The following PSMD8 variants were observed in gnomAD, a reference collection of about 807,000 sequenced individuals.
PSMD8 encodes proteasome 26S subunit, non-ATPase 8.
PSMD8 carries 30 observed loss-of-function variants against 40.0 expected under a neutral mutation model. The observed-to-expected ratio is 0.75, with a 90% CI of 0.56 to 1.02. The LOEUF is 1.02. PSMD8 is among the 50% of genes least tolerant of loss of function. The pLI is 0.00. For missense variants in PSMD8, 461 were observed against 463.9 expected, an observed-to-expected ratio of 0.99 and a Z score of 0.06; for synonymous variants, 208 against 192.5, an observed-to-expected ratio of 1.08 and a Z score of -0.67.
rs1421396139 is a variant in PSMD8, at chr19:38,374,842, G to A, written c.241G>A (p.Ala81Thr). 5 of 1,579,072 alleles carry A rather than the reference G, an allele frequency of 3.2e-6. No homozygotes were observed. The highest frequency in any genetic ancestry group is 3.4e-6 in the Non-Finnish European group (4 of 1,170,450). The part of the protein sequence containing the change: ...GAAGFSSSGP[A>T]ATSGAVLQAA... The stretch of plus-strand genomic sequence containing the variant: ...GGCAGGCTTCTCGAGCTCCGGGCCC[G>A]CGGCAACCTCGGGCGCTGTTCTGCA... Residue 81 changes from alanine to threonine, a missense_variant, in exon 1 of 7, where the codon GCG becomes ACG. Transcript: ENST00000215071.
intron 6 of PSMD8, chr19:38,382,927 AAAAG>A (rs945144078): frequency 5.1e-5 from 14 of 275,364 alleles, no homozygotes; most frequent in African/African-American, 1.5e-4. Flanking sequence ...AAAAAAAAAA[AAAAG>A]AAGAAGGTGA....
intron 3 of PSMD8, among the ~76,000 whole-genome samples, chr19:38,378,657 G>GAA (rs201059049): frequency 2.2e-4 from 29 of 133,296 alleles, no homozygotes; most frequent in African/African-American, 7.2e-4. Flanking sequence ...TCTCGGAATT[G>GAA]AAAAAAAAAA....
intron 1 of PSMD8, among the ~76,000 whole-genome samples, chr19:38,375,947 G>A (rs887149592): frequency 1.3e-5 from 2 of 152,180 alleles, no homozygotes; most frequent in Non-Finnish European, 2.9e-5. Flanking sequence ...TCCCCAGTGG[G>A]GCTATTAATA....
intron 3 of PSMD8, among the ~76,000 whole-genome samples, chr19:38,377,970 T>G (rs753531361): frequency 6.6e-6 from 1 of 151,984 alleles, no homozygotes; most frequent in Non-Finnish European, 1.5e-5. Flanking sequence ...TAGCTAACAC[T>G]TTGTGTTTAT....
chr19:38,378,762 G>A (rs1039886096), intron 3 of PSMD8, among the ~76,000 whole-genome samples: 4 of 151,750 alleles, frequency 2.6e-5, no homozygotes, highest in African/African-American at 9.7e-5. Context: ...GACCAGCCTG[G>A]CCAGCATAGT....
At chr19:38,381,216 T>G in intron 5 of PSMD8, 1 of 486,798 alleles carries the variant, frequency 2.1e-6, no homozygotes, top group Non-Finnish European at 3.6e-6. Context: ...TGTTGACATG[T>G]GTGGCCACGT....
chr19:38,380,733 CAT>C (rs1970633795), intron 4 of PSMD8, among the ~76,000 whole-genome samples, 164 bp from the exon 5 acceptor site: 1 of 145,154 alleles, frequency 6.9e-6, no homozygotes, highest in Admixed American at 6.9e-5. Flanking sequence ...TGTGTGTGCG[CAT>C]AAACCAGCAA....
chr19:38,376,147 C>A lies in PSMD8; in HGVS notation c.361-13C>A. On this transcript the variant is annotated splice_polypyrimidine_tract_variant and intron_variant, in intron 1 of 6. Transcript: ENST00000215071. ...CCTTCTTTTCTTTCTTCCCTCCCTCCCCTCCCCATCAGCTAGTTCTTCTGG... is the reference window on the plus strand; with the variant it reads ...CCTTCTTTTCTTTCTTCCCTCCCTCACCTCCCCATCAGCTAGTTCTTCTGG... 1 of 1,591,200 alleles carries A rather than the reference C, an allele frequency of 6.3e-7. No individual in the cohort carries two copies.
In PSMD8 at chr19:38,374,958, C is replaced by T; in HGVS notation, c.357C>T (p.Leu119=). 6.4e-7 allele frequency: 1 copy of T among 1,559,750 alleles called. No individual in the cohort carries two copies. Reference sequence around the variant, plus strand: ...AGTGCGGGGAAGAGCTGGGTCGACTCAAGGTAAAGTCGGCAGGCCCAGGAA... The same window carrying T: ...AGTGCGGGGAAGAGCTGGGTCGACTTAAGGTAAAGTCGGCAGGCCCAGGAA... The part of the protein sequence containing the change: ...LSKCGEELGR[L]KLVLLELNFL... The change falls in exon 1 of 7, where the codon CTC becomes CTT. Residue 119 remains leucine (L), a synonymous_variant. Transcript: ENST00000215071.
At chr19:38,379,175 TG>T in intron 3 of PSMD8, 64 bp from the exon 4 acceptor site, 1 of 1,515,734 alleles carries the variant, frequency 6.6e-7, no homozygotes. Context: ...TCCTGGAGCC[TG>T]GGGTAGAGGG....
Position 38,383,535 on chromosome 19 carries a change from CTGAAGAACT to C in PSMD8, c.*148_*156del, listed in dbSNP as rs1343925573. The C allele has an allele frequency of 1.5e-5, 17 of 1,131,994 alleles. No individual in the cohort carries two copies. The highest frequency in any genetic ancestry group is 2.1e-5 in the Non-Finnish European group (17 of 800,580). 70.1% of individuals were successfully genotyped at this position (1,131,994 alleles called of 1,614,324 possible). A position where few individuals can be genotyped will look rare whatever the true frequency, so the allele number is the denominator to read the frequency against. On this transcript the variant is annotated 3_prime_UTR_variant, in exon 7 of 7. Transcript: ENST00000215071. ...ACGGCAGAGAGACAAGTTCTTATAT[CTGAAGAACT>C]TGGAGGTTTTGGGGCATTCAGGAGT...
intron 1 of PSMD8, chr19:38,375,279 C>A: frequency 9.2e-6 from 3 of 324,726 alleles, no homozygotes; most frequent in African/African-American, 2.2e-5. Context: ...TCTGTCTCTA[C>A]ATTTTTTTTT....
chr19:38,381,124 C>G (rs1250515983), intron 5 of PSMD8, 125 bp downstream of exon 5: 1 of 711,162 alleles, frequency 1.4e-6, no homozygotes, highest in East Asian at 2.9e-5. Context: ...TCTTATCCTC[C>G]TAGCACCTCA....
intron 4 of PSMD8, among the ~76,000 whole-genome samples, chr19:38,380,010 G>A (rs998676502): frequency 6.6e-6 from 1 of 152,316 alleles, no homozygotes; most frequent in Non-Finnish European, 1.5e-5. Context: ...AAGGGTGGCC[G>A]TGCACAGTGG....
In PSMD8 at chr19:38,380,974, A is replaced by AT; in HGVS notation, c.780dup (p.Asp261Ter). ...CCCCGCCGAGAGCTACACCTTCTTC[A>AT]TTGACATCCTGCTCGACACTATCAG... On this transcript the variant is annotated frameshift_variant, in exon 5 of 7. Coordinates refer to ENST00000215071, the MANE Select transcript of PSMD8 (RefSeq NM_002812.5). LOFTEE classifies it high-confidence loss of function. 6.3e-7 allele frequency: 1 copy of AT among 1,586,240 alleles called. No individual in the cohort carries two copies. The highest frequency in any genetic ancestry group is 8.6e-7 in the Non-Finnish European group (1 of 1,165,244).
At chr19:38,379,136 C>T in intron 3 of PSMD8, 104 bp from the exon 4 acceptor site, 4 of 1,207,842 alleles carry the variant, frequency 3.3e-6, no homozygotes, top group Non-Finnish European at 4.6e-6. Flanking sequence ...GATACCTCTT[C>T]AGGAAGATGC....
At chr19:38,375,126 G>A in intron 1 of PSMD8, 165 bp downstream of exon 1, 2 of 1,155,028 alleles carry the variant, frequency 1.7e-6, no homozygotes, top group Non-Finnish European at 2.4e-6. Flanking sequence ...GCCAAAGTGG[G>A]GGCTCGGAGG....
rs2145125595 is a variant in PSMD8, at chr19:38,376,031, G to C, written c.361-129G>C. ...CCTGTTCTGAGTGCTTTATGAGAAA[G>C]CATTCCTCATGAGTCTGGATGATGG... On this transcript the variant is annotated intron_variant, in intron 1 of 6. Transcript: ENST00000215071. 5.4e-5 allele frequency: 48 copies of C among 891,796 alleles called. 4 individuals are homozygous for C. The South Asian group carries it at 7.4e-4, about 14-fold the overall frequency. The allele number at this position is 891,796 out of a possible 1,614,324, so 55.2% of individuals were successfully genotyped here.
At chr19:38,378,834 T>C (rs1222903649) in intron 3 of PSMD8, among the ~76,000 whole-genome samples, 2 of 152,052 alleles carry the variant, frequency 1.3e-5, no homozygotes, top group Admixed American at 1.3e-4. Context: ...GTGCCTGTAG[T>C]CCCAGCTACT....
Sources: allele counts gnomAD v4.1 joint callset (sites outside exome capture counted in the v4.1 genomes callset), GRCh38; gene constraint gnomAD v4.1.1; transcripts MANE v1.5; gene names NCBI Gene and HGNC (gene_info 2026-07-23, HGNC 2026-07-21).